The following SYNPO2 variants were observed in gnomAD, a reference collection of about 807,000 sequenced individuals.
The protein encoded by SYNPO2 is synaptopodin-2.
Under a neutral mutation model 85.0 loss-of-function variants are expected in SYNPO2, and 56 were observed. The ratio of observed to expected loss-of-function variants is 0.66; its 90% confidence interval spans 0.53 to 0.82. The LOEUF (loss-of-function observed/expected upper bound fraction) is 0.82. Ranked by LOEUF, SYNPO2 falls within the 40% of genes least tolerant of loss-of-function variation. The probability of loss-of-function intolerance (pLI) is 0.00; values close to 1 mark genes in which losing one functional copy is unlikely to be tolerated. For synonymous variants in SYNPO2, 602 were observed against 591.1 expected (o/e 1.02, Z -0.27); for missense variants, 1,575 against 1,534.2 (o/e 1.03, Z -0.44).
chr4:119,060,300 G>A lies in SYNPO2; in HGVS notation c.*2366G>A, dbSNP rs2149203872. 1 of 152,204 alleles carries A rather than the reference G, an allele frequency of 6.6e-6. No individual in the cohort carries two copies. Among genetic ancestry groups the A allele is most frequent in the Non-Finnish European group, 1.5e-5 (1 of 67,988 alleles). 9.4% of individuals were successfully genotyped at this position (152,204 alleles called of 1,614,324 possible). Reference sequence around the variant, plus strand: ...AATTTATTCGAGACATTAAGAAAAAGACAGTACATGGTGGGAAAGCTGCAC... The same window carrying A: ...AATTTATTCGAGACATTAAGAAAAAAACAGTACATGGTGGGAAAGCTGCAC... On this transcript the variant is annotated 3_prime_UTR_variant, in exon 5 of 5. Transcript: ENST00000307142.
intron 1 of SYNPO2, among the ~76,000 whole-genome samples, chr4:118,895,888 A>G (rs553589560): frequency 6.6e-6 from 1 of 152,350 alleles, no homozygotes; most frequent in East Asian, 1.9e-4. Context: ...ACGAATTTAT[A>G]TATTTGGCTA....
chr4:118,891,031 C>T (rs766525599), intron 1 of SYNPO2, among the ~76,000 whole-genome samples: 2 of 151,884 alleles, frequency 1.3e-5, no homozygotes, highest in Non-Finnish European at 2.9e-5. Context: ...GACCTCTTTG[C>T]GGCGATTCAC....
chr4:118,879,650 A>G (rs969942842), intron 1 of SYNPO2, among the ~76,000 whole-genome samples: 3 of 152,176 alleles, frequency 2.0e-5, no homozygotes, highest in Non-Finnish European at 4.4e-5. Context: ...CCAGCGTATG[A>G]TACTGTGTTA....
chr4:118,977,714 C>A (rs1735847125), intron 1 of SYNPO2, among the ~76,000 whole-genome samples: 1 of 152,234 alleles, frequency 6.6e-6, no homozygotes, highest in African/African-American at 2.4e-5. Flanking sequence ...CATAATCCTA[C>A]CTTGTCTGTG....
chr4:118,958,085 C>G (rs959883404), intron 1 of SYNPO2, among the ~76,000 whole-genome samples: 2 of 152,176 alleles, frequency 1.3e-5, no homozygotes, highest in African/African-American at 4.8e-5. Context: ...TTAGCCTCAG[C>G]AATGTCTTGA....
At position 118,899,097 on chromosome 4, in the gene SYNPO2, G is replaced by A. The variant is rs1732639315; in HGVS notation, c.105+9956G>A. On this transcript the variant is annotated intron_variant, in intron 1 of 4. Transcript: ENST00000307142. Reference sequence around the variant, plus strand: ...CTTGAGCTCCCACGTGCAGCCTGACGCTGAAGCTTTTGTTCACAAGTCTGT... The same window carrying A: ...CTTGAGCTCCCACGTGCAGCCTGACACTGAAGCTTTTGTTCACAAGTCTGT... Among the ~76,000 whole-genome samples, 4 of 152,304 alleles carry A rather than the reference G, an allele frequency of 2.6e-5. 1 individual carries two copies. The highest frequency in any genetic ancestry group is 9.6e-5 in the African/African-American group (4 of 41,574).
intron 1 of SYNPO2, among the ~76,000 whole-genome samples, chr4:118,945,683 G>T (rs1252491821): frequency 2.0e-5 from 3 of 152,110 alleles, no homozygotes; most frequent in Non-Finnish European, 4.4e-5. Flanking sequence ...CCAACAATTT[G>T]TTCCTCAAAA....
At chr4:118,859,172 C>T (rs1731563788) in intron 1 of SYNPO2, among the ~76,000 whole-genome samples, 1 of 152,150 alleles carries the variant, frequency 6.6e-6, no homozygotes. Context: ...CAGCAAATTT[C>T]CATACATCCT....
chr4:118,893,552 T>A (rs960103288), intron 1 of SYNPO2, among the ~76,000 whole-genome samples: 10 of 152,208 alleles, frequency 6.6e-5, no homozygotes, highest in Non-Finnish European at 1.3e-4. Context: ...TTTTTCTTCT[T>A]CCTTATTGGT....
chr4:118,944,035 A>G (rs1399967064), intron 1 of SYNPO2, among the ~76,000 whole-genome samples: 2 of 152,208 alleles, frequency 1.3e-5, no homozygotes, highest in Admixed American at 6.5e-5. Context: ...TTTACATGTT[A>G]AAGTTTAATT....
chr4:118,884,977 G>A (rs996872930), upstream of SYNPO2, among the ~76,000 whole-genome samples: 3 of 152,190 alleles, frequency 2.0e-5, no homozygotes, highest in African/African-American at 4.8e-5. Flanking sequence ...CAGGAAGGTC[G>A]GGAAAGTCCT....
intron 1 of SYNPO2, among the ~76,000 whole-genome samples, chr4:118,899,871 C>T (rs1178365373): frequency 6.6e-6 from 1 of 152,184 alleles, no homozygotes; most frequent in Non-Finnish European, 1.5e-5. Context: ...AAGCGATTCT[C>T]CTGCCTCAGC....
At chr4:119,027,951 A>G (rs1247814385) in intron 3 of SYNPO2, among the ~76,000 whole-genome samples, 3 of 152,310 alleles carry the variant, frequency 2.0e-5, no homozygotes, top group Admixed American at 6.5e-5. Context: ...AGACAAGGAC[A>G]TGTGTATACT....
At chr4:119,036,434 T>C (rs1048648088) in intron 4 of SYNPO2, 2 of 985,320 alleles carry the variant, frequency 2.0e-6, no homozygotes, top group African/African-American at 3.5e-5. Context: ...TGTGACACTT[T>C]GGTGTTGCCG....
intron 1 of SYNPO2, among the ~76,000 whole-genome samples, chr4:118,990,501 T>C (rs1378697540): frequency 6.6e-6 from 1 of 152,194 alleles, no homozygotes; most frequent in East Asian, 1.9e-4. Flanking sequence ...AAAACAGACA[T>C]GGTCCTTGTT....
rs1043875388 is a variant in SYNPO2, at chr4:118,860,558, T to C, written c.12+9618T>C. Among the ~76,000 whole-genome samples the C allele has an allele frequency of 4.5e-3, 318 of 70,040 alleles. 4 individuals are homozygous for C. The highest frequency in any genetic ancestry group is 0.022 in the African/African-American group (304 of 14,124). 45.9% of individuals were successfully genotyped at this position (70,040 alleles called of 152,430 possible). ...ACTGCCTGGCCTCTTTTGCCTTTTT[T>C]TTTGTTTTTTTTTTTTGAGATGGAG... On this transcript the variant is annotated intron_variant, in intron 1 of 4. Coordinates refer to the SYNPO2 transcript ENST00000610556.
intron 4 of SYNPO2, among the ~76,000 whole-genome samples, chr4:119,040,342 A>G (rs1390654657): frequency 6.6e-6 from 1 of 152,212 alleles, no homozygotes; most frequent in African/African-American, 2.4e-5. Flanking sequence ...CATTGACACA[A>G]GAAATCTATT....
chr4:118,944,553 G>A (rs964682966), intron 1 of SYNPO2, among the ~76,000 whole-genome samples: 1 of 152,058 alleles, frequency 6.6e-6, no homozygotes, highest in African/African-American at 2.4e-5. Context: ...GACTGTTAAC[G>A]CTGATTCAAA....
intron 1 of SYNPO2, among the ~76,000 whole-genome samples, chr4:118,855,351 AAT>A (rs1241089028): frequency 8.5e-5 from 13 of 152,290 alleles, no homozygotes; most frequent in African/African-American, 3.1e-4. Context: ...TTGCTTGACG[AAT>A]TATTTATTGA....
Sources: gnomAD v4.1 joint callset for allele counts (sites outside exome capture counted in the v4.1 genomes callset) on GRCh38, gnomAD v4.1.1 for gene constraint, MANE v1.5 for transcripts, NCBI Gene and HGNC (gene_info 2026-07-23, HGNC 2026-07-21) for gene names.